Variants in MAP7D1 observed in about 807,000 individuals in gnomAD.
MAP7D1 encodes the protein MAP7 domain containing 1, also known as MAP7 domain-containing protein 1.
A neutral mutation model predicts 97.5 loss-of-function variants in MAP7D1; 30 were observed. That is an observed-to-expected ratio of 0.31 (90% CI 0.23 to 0.42). The LOEUF is 0.42. MAP7D1 is among the 10% of genes least tolerant of loss of function. The probability of loss-of-function intolerance (pLI) is 1.00; values close to 1 mark genes in which losing one functional copy is unlikely to be tolerated. For synonymous variants in MAP7D1, 536 were observed against 477.1 expected, an observed-to-expected ratio of 1.12 and a Z score of -1.61; for missense variants, 1,184 against 1,179.5, an observed-to-expected ratio of 1.00 and a Z score of -0.06.
chr1:36,164,901 T>A (rs1411031094), intron 1 of MAP7D1, among the ~76,000 whole-genome samples: 1 of 152,180 alleles, frequency 6.6e-6, no homozygotes, highest in Non-Finnish European at 1.5e-5. Flanking sequence ...ATTCATTTCT[T>A]CATTCAACAA....
intron 1 of MAP7D1, among the ~76,000 whole-genome samples, chr1:36,166,209 T>C (rs1036776749): frequency 5.9e-5 from 9 of 151,984 alleles, no homozygotes; most frequent in African/African-American, 9.7e-5. Flanking sequence ...GGCAGAAATC[T>C]CCCCAACACC....
At chr1:36,157,969 T>C (rs1644360180) in intron 1 of MAP7D1, among the ~76,000 whole-genome samples, 1 of 152,118 alleles carries the variant, frequency 6.6e-6, no homozygotes, top group Non-Finnish European at 1.5e-5. Context: ...AACCTCAGCT[T>C]ACTGGCCCTC....
At chr1:36,179,448 G>A (rs1333464522) in intron 13 of MAP7D1, 67 bp from the exon 14 acceptor site, 3 of 1,575,802 alleles carry the variant, frequency 1.9e-6, no homozygotes, top group East Asian at 4.6e-5. Context: ...GGGGAGGGCC[G>A]AACTCAGTCC....
chr1:36,160,751 G>A (rs749253428), intron 1 of MAP7D1, among the ~76,000 whole-genome samples: 1 of 152,250 alleles, frequency 6.6e-6, no homozygotes, highest in African/African-American at 2.4e-5. Context: ...ACTGGCCTGT[G>A]TGGGCATCTT....
chr1:36,179,051 TG>T, intron 12 of MAP7D1, 26 bp downstream of exon 12: 1 of 395,066 alleles, frequency 2.5e-6, no homozygotes, highest in Non-Finnish European at 4.2e-6. Flanking sequence ...CGGGGATTTG[TG>T]GGCGGGGCCT....
At position 36,170,988 on chromosome 1, in the gene MAP7D1, C is replaced by T; in HGVS notation, c.64C>T (p.Pro22Ser). 6.8e-7 allele frequency: 1 copy of T among 1,471,720 alleles called. No homozygotes were observed. Among genetic ancestry groups the T allele is most frequent in the Admixed American group, 1.8e-5 (1 of 54,668 alleles). 91.2% of individuals were successfully genotyped at this position (1,471,720 alleles called of 1,614,324 possible). The change falls in exon 2 of 17, where the codon CCC becomes TCC. Residue 22 changes from proline to serine, a missense_variant. Physicochemically the swap from Pro to Ser is moderately conservative, Grantham distance 74. Coordinates refer to ENST00000474796, the MANE Select transcript of MAP7D1 (RefSeq NM_001388490.1). ...GAPPAVVART[P>S]PEPRPSPEGD... ...TCTTTCAGCTGTGGTCGCCAGGACC[C>T]CCCCAGAGCCAAGACCTTCTCCAGA...
rs1427656654 is a variant in MAP7D1, at chr1:36,176,952, TTCTC to T, written c.1379+114_1379+117del. Reference sequence around the variant, plus strand: ...AGAATGCAACTTCCCTGAGGGCAGATTCTCTCTGTTTTGTTTGAGACAGGATCTC... The same window carrying T: ...AGAATGCAACTTCCCTGAGGGCAGATTCTGTTTTGTTTGAGACAGGATCTC... On this transcript the variant is annotated intron_variant, in intron 8 of 16. Coordinates refer to ENST00000474796, the MANE Select transcript of MAP7D1 (RefSeq NM_001388490.1). This position sits in a 1 kb window ranked among gnomAD's most constrained non-coding sequence, Gnocchi z 6.1. The T allele has an allele frequency of 1.1e-6, 1 of 940,366 alleles. No individual in the cohort carries two copies. Among genetic ancestry groups the T allele is most frequent in the South Asian group, 1.6e-5 (1 of 62,606 alleles). The allele number at this position is 940,366 out of a possible 1,614,324, so 58.3% of individuals were successfully genotyped here. A position where few individuals can be genotyped will look rare whatever the true frequency, so the allele number is the denominator to read the frequency against.
intron 1 of MAP7D1, among the ~76,000 whole-genome samples, chr1:36,169,214 T>C (rs1644510225): frequency 7.1e-6 from 1 of 140,478 alleles, no homozygotes; most frequent in Non-Finnish European, 1.5e-5. Context: ...ATCGTGCCAA[T>C]GCACTCCAGC....
At chr1:36,158,469 G>A (rs1570121758) in intron 1 of MAP7D1, among the ~76,000 whole-genome samples, 1 of 152,162 alleles carries the variant, frequency 6.6e-6, no homozygotes, top group Admixed American at 6.5e-5. Flanking sequence ...AACAGGGGGT[G>A]GTGTGGAGTA....
Position 36,156,428 on chromosome 1 carries a change from G to A in MAP7D1, c.11G>A (p.Gly4Asp), listed in dbSNP as rs1422481128. The A allele has an allele frequency of 1.4e-6, 2 of 1,479,698 alleles. No homozygotes were observed. Among genetic ancestry groups the A allele is most frequent in the Admixed American group, 2.4e-5 (1 of 41,646 alleles). 91.7% of individuals were successfully genotyped at this position (1,479,698 alleles called of 1,614,324 possible). The change falls in exon 1 of 17, where the codon GGC becomes GAC. Residue 4 changes from glycine to aspartate, a missense_variant. By Grantham distance (94) the Gly-to-Asp change is moderately conservative. Coordinates refer to ENST00000474796, the MANE Select transcript of MAP7D1 (RefSeq NM_001388490.1). ...AGTGACGCCGCAGCCATGGAGAGCG[G>A]CCCGCGTGCGGAGCTGGGGGCGGGC... is the stretch of plus-strand genomic sequence containing the variant. MES[G>D]PRAELGAGAP...
intron 5 of MAP7D1, among the ~76,000 whole-genome samples, chr1:36,174,628 G>T (rs545084133): frequency 6.6e-6 from 1 of 152,114 alleles, no homozygotes; most frequent in African/African-American, 2.4e-5. Context: ...GGCTTCCTTG[G>T]TCTGGCCAGG....
In MAP7D1 at chr1:36,171,244, G is replaced by A; in HGVS notation, c.320G>A (p.Arg107Lys). ...TPPAMGPRDA[R>K]PPRRSSQPSP... ...CCAGCCATGGGCCCACGGGATGCCAGACCTCCTCGAAGGAGCAGCCAGCCA... is the reference window on the plus strand; with the variant it reads ...CCAGCCATGGGCCCACGGGATGCCAAACCTCCTCGAAGGAGCAGCCAGCCA... The change falls in exon 2 of 17, where the codon AGA becomes AAA. Residue 107 changes from arginine (R) to lysine (K), a missense_variant. By Grantham distance (26) the Arg-to-Lys change is conservative (BLOSUM62 2). Coordinates refer to ENST00000474796, the MANE Select transcript of MAP7D1 (RefSeq NM_001388490.1). 1 of 1,605,972 alleles carries A rather than the reference G, an allele frequency of 6.2e-7. No homozygotes were observed. Among genetic ancestry groups the A allele is most frequent in the Non-Finnish European group, 8.5e-7 (1 of 1,176,042 alleles).
intron 1 of MAP7D1, among the ~76,000 whole-genome samples, chr1:36,164,293 A>T (rs1318118929): frequency 1.3e-5 from 2 of 152,204 alleles, no homozygotes; most frequent in Admixed American, 6.5e-5. Context: ...CAAAGTAGAC[A>T]TGGCCAGCTC....
chr1:36,157,530 G>A (rs546299635), intron 1 of MAP7D1, among the ~76,000 whole-genome samples: 2 of 152,298 alleles, frequency 1.3e-5, no homozygotes, highest in African/African-American at 2.4e-5. Flanking sequence ...GCTTGGTTTT[G>A]GAGGGAGGCG....
Position 36,176,416 on chromosome 1 carries a change from A to AGCCGT in MAP7D1, c.1073_1077dup (p.Val360CysfsTer13). On this transcript the variant is annotated frameshift_variant, in exon 7 of 17. Transcript: ENST00000474796. LOFTEE classifies it high-confidence loss of function. The surrounding 1 kb of genome is among the most constrained non-coding windows in gnomAD (Gnocchi z 6.1). ...AACCCGACCGCACTCATCCCTCTGC[A>AGCCGT]GCCGTGCCGGTGTGCCCGCGCTCGG... is the stretch of plus-strand genomic sequence containing the variant. The AGCCGT allele has an allele frequency of 6.5e-7, 1 of 1,533,528 alleles. No homozygotes were observed. The highest frequency in any genetic ancestry group is 1.4e-5 in the African/African-American group (1 of 70,506). The allele number at this position is 1,533,528 out of a possible 1,614,324, so 95.0% of individuals were successfully genotyped here. A position where few individuals can be genotyped will look rare whatever the true frequency, so the allele number is the denominator to read the frequency against.
chr1:36,165,174 T>C (rs1644459403), intron 1 of MAP7D1, among the ~76,000 whole-genome samples: 1 of 152,204 alleles, frequency 6.6e-6, no homozygotes, highest in South Asian at 2.1e-4. Context: ...CCCAAGCTGG[T>C]ATACAGTGGT....
chr1:36,169,253 A>G (rs28720673), intron 1 of MAP7D1, among the ~76,000 whole-genome samples: 2 of 134,372 alleles, frequency 1.5e-5, no homozygotes, highest in South Asian at 4.7e-4. Flanking sequence ...CTCTGTCTTG[A>G]AAAAAAAAAA....
In MAP7D1 at chr1:36,176,393, C is replaced by A; in HGVS notation, c.1045C>A (p.Pro349Thr). ...AGASLARGPQ[P>T]DRTHPSAAVP... ...GGCCAGCCTGGCGCGCGGGCCGCAACCCGACCGCACTCATCCCTCTGCAGC... is the reference window on the plus strand; with the variant it reads ...GGCCAGCCTGGCGCGCGGGCCGCAAACCGACCGCACTCATCCCTCTGCAGC... The change falls in exon 7 of 17, where the codon CCC becomes ACC. Residue 349 changes from proline to threonine, a missense_variant. By Grantham distance (38) the Pro-to-Thr change is conservative. Coordinates refer to ENST00000474796, the MANE Select transcript of MAP7D1 (RefSeq NM_001388490.1). The surrounding 1 kb of genome is among the most constrained non-coding windows in gnomAD (Gnocchi z 6.1). 6.5e-7 allele frequency: 1 copy of A among 1,528,196 alleles called. No individual in the cohort carries two copies. Among genetic ancestry groups the A allele is most frequent in the Non-Finnish European group, 8.7e-7 (1 of 1,144,528 alleles). 94.7% of individuals were successfully genotyped at this position (1,528,196 alleles called of 1,614,324 possible).
At chr1:36,163,728 C>T (rs770940338) in intron 1 of MAP7D1, among the ~76,000 whole-genome samples, 13 of 152,022 alleles carry the variant, frequency 8.6e-5, no homozygotes, top group Non-Finnish European at 1.6e-4. Context: ...CAGGAAGCTG[C>T]CCAAACACTA....
Sources: gnomAD v4.1 joint callset for allele counts (sites outside exome capture counted in the v4.1 genomes callset) on GRCh38, gnomAD v4.1.1 for gene constraint, Gnocchi (gnomAD v3.1) non-coding constraint, MANE v1.5 for transcripts, NCBI Gene and HGNC (gene_info 2026-07-23, HGNC 2026-07-21) for gene names.